Variants in TUT4 observed in about 807,000 individuals in gnomAD.
TUT4 encodes the protein terminal uridylyltransferase 4.
Under a neutral mutation model 192.2 loss-of-function variants are expected in TUT4, and 36 were observed. The observed-to-expected ratio is 0.19, with a 90% CI of 0.14 to 0.25. TUT4 has a LOEUF of 0.25. TUT4 is among the 10% of genes least tolerant of loss of function. TUT4 has a pLI of 1.00. For synonymous variants in TUT4, 618 were observed against 666.0 expected, an observed-to-expected ratio of 0.93 and a Z score of 1.11; for missense variants, 1,493 against 1,957.2, an observed-to-expected ratio of 0.76 and a Z score of 4.47.
intron 9 of TUT4, among the ~76,000 whole-genome samples, chr1:52,485,088 T>C (rs973192212): frequency 3.3e-5 from 5 of 152,204 alleles, no homozygotes; most frequent in Admixed American, 1.3e-4. Context: ...TCTAGAACAG[T>C]GTCTGACACA....
At chr1:52,505,268 G>C (rs1675221981) in intron 4 of TUT4, among the ~76,000 whole-genome samples, 1 of 151,804 alleles carries the variant, frequency 6.6e-6, no homozygotes, top group South Asian at 2.1e-4. Context: ...GTTTTTTGTA[G>C]ATTTTTTTTA....
intron 20 of TUT4, among the ~76,000 whole-genome samples, chr1:52,456,534 C>T (rs928789317): frequency 1.4e-5 from 2 of 142,790 alleles, no homozygotes; most frequent in Admixed American, 1.4e-4. Flanking sequence ...GCTATCAAGC[C>T]ATGAAAAGAC....
intron 27 of TUT4, chr1:52,433,288 C>G (rs1652681023): frequency 6.6e-6 from 1 of 152,208 alleles, no homozygotes. Flanking sequence ...TCAGGCTGGT[C>G]TCAAACTCCC....
intron 1 of TUT4, among the ~76,000 whole-genome samples, chr1:52,532,449 C>G (rs1417852338): frequency 3.3e-5 from 5 of 151,706 alleles, no homozygotes; most frequent in Admixed American, 2.6e-4. Flanking sequence ...ACCTCAGCCT[C>G]ACAGGCACAC....
chr1:52,499,496 G>C (rs1433975809), intron 4 of TUT4, among the ~76,000 whole-genome samples: 1 of 152,184 alleles, frequency 6.6e-6, no homozygotes, highest in Non-Finnish European at 1.5e-5. Flanking sequence ...AGCACTCTGG[G>C]AGGCTGAGGT....
chr1:52,495,030 T>G lies in TUT4; in HGVS notation c.1266+397A>C, dbSNP rs578144471. On this transcript the variant is annotated intron_variant, in intron 6 of 29. Coordinates refer to ENST00000257177, the MANE Select transcript of TUT4 (RefSeq NM_001009881.3). ...AATATTATCTCATTTAATATAAAAA[T>G]TATTATTCCTGTTTTGGAAATGAGA... Among the ~76,000 whole-genome samples, 5 of 152,208 alleles carry G rather than the reference T, an allele frequency of 3.3e-5. No homozygotes were observed. In the South Asian group the frequency reaches 1.0e-3, roughly 32 times the overall value.
chr1:52,448,693 G>C (rs1658374925), intron 20 of TUT4, among the ~76,000 whole-genome samples: 1 of 151,864 alleles, frequency 6.6e-6, no homozygotes, highest in Non-Finnish European at 1.5e-5. Flanking sequence ...ATATTAAGGG[G>C]CTGACATGTA....
rs1665910566 is a variant in TUT4, at chr1:52,472,042, C to T, written c.2788G>A (p.Glu930Lys). 1.9e-6 allele frequency: 3 copies of T among 1,613,968 alleles called. No individual in the cohort carries two copies. The South Asian group carries it at 3.3e-5, about 18-fold the overall frequency. Residue 930 changes from glutamate to lysine, a missense_variant, in exon 14 of 30, where the codon GAG becomes AAG. This residue lies in a region of TUT4 where 59 missense variants were observed against 114.3 expected (regional missense o/e 0.52). Transcript: ENST00000257177. The stretch of plus-strand genomic sequence containing the variant: ...TTTAAATCAATTTTCCTAAAATCCT[C>T]TGGGCAATCATTCTTTGAATGGCCA... ...KDGHSKNDCP[E>K]DFRKIDLKPL...
chr1:52,459,613 T>C (rs1342671758), intron 19 of TUT4, among the ~76,000 whole-genome samples: 4 of 149,292 alleles, frequency 2.7e-5, no homozygotes, highest in Non-Finnish European at 5.9e-5. Flanking sequence ...AGGCTGGGGG[T>C]GGTGGCTCAC....
At chr1:52,484,403 TA>T (rs1669278132) in intron 9 of TUT4, among the ~76,000 whole-genome samples, 1 of 152,138 alleles carries the variant, frequency 6.6e-6, no homozygotes, top group East Asian at 1.9e-4. Context: ...ACAGTTTGTA[TA>T]AGGGACTTGA....
chr1:52,457,530 A>C (rs757319582), intron 20 of TUT4, among the ~76,000 whole-genome samples: 2 of 152,130 alleles, frequency 1.3e-5, no homozygotes, highest in Non-Finnish European at 2.9e-5. Context: ...CACCACGCCC[A>C]GCCTATTTTG....
Position 52,423,947 on chromosome 1 carries a change from G to T in TUT4, c.4926C>A (p.Asn1642Lys). Residue 1642 changes from asparagine to lysine, a missense_variant, in exon 30 of 30, where the codon AAC (asparagine) becomes AAA (lysine). By Grantham distance (94) the Asn-to-Lys change is moderately conservative. This residue lies in a region of TUT4 where 351 missense variants were observed against 397.8 expected (regional missense o/e 0.88). Transcript: ENST00000257177. Reference protein sequence around the residue: ...RERCPHPPRGNVSE With the variant: ...RERCPHPPRGKVSE ...AAATGGACTCGCATTACTCCGACACGTTTCCTCTTGGTGGGTGGGGACAAC... is the reference window on the plus strand; with the variant it reads ...AAATGGACTCGCATTACTCCGACACTTTTCCTCTTGGTGGGTGGGGACAAC... The T allele has an allele frequency of 6.2e-7, 1 of 1,613,236 alleles. No individual in the cohort carries two copies. The highest frequency in any genetic ancestry group is 8.5e-7 in the Non-Finnish European group (1 of 1,179,654).
At chr1:52,512,634 A>G (rs1299499115) in intron 3 of TUT4, among the ~76,000 whole-genome samples, 1 of 152,224 alleles carries the variant, frequency 6.6e-6, no homozygotes, top group African/African-American at 2.4e-5. Context: ...ATACATAAAA[A>G]AAGTTAAACA....
intron 1 of TUT4, among the ~76,000 whole-genome samples, chr1:52,533,410 A>G (rs1684020714): frequency 6.6e-6 from 1 of 152,216 alleles, no homozygotes; most frequent in Admixed American, 6.5e-5. Flanking sequence ...TAATTCATTG[A>G]CAGAACTATA....
At chr1:52,486,697 G>C (rs1454071453) in intron 9 of TUT4, among the ~76,000 whole-genome samples, 3 of 152,104 alleles carry the variant, frequency 2.0e-5, no homozygotes, top group African/African-American at 7.2e-5. Context: ...TATTCTGTTG[G>C]AAACAGAAAG....
intron 24 of TUT4, among the ~76,000 whole-genome samples, chr1:52,445,565 C>CT (rs1432365960): frequency 6.6e-6 from 1 of 151,978 alleles, no homozygotes; most frequent in African/African-American, 2.4e-5. Context: ...CTTCGTGGGG[C>CT]TTATAGTCTA....
At chr1:52,500,093 G>C (rs1371304052) in intron 4 of TUT4, among the ~76,000 whole-genome samples, 1 of 151,348 alleles carries the variant, frequency 6.6e-6, no homozygotes, top group Non-Finnish European at 1.5e-5. Context: ...TTACACTCCA[G>C]CCTGGGCAAC....
chr1:52,450,711 T>C (rs1339111648), intron 20 of TUT4, among the ~76,000 whole-genome samples: 3 of 152,188 alleles, frequency 2.0e-5, no homozygotes, highest in Non-Finnish European at 4.4e-5. Context: ...CTTATGCAGA[T>C]TGTTAAGGCC....
chr1:52,493,145 G>A (rs1172542539), intron 7 of TUT4, among the ~76,000 whole-genome samples: 2 of 152,102 alleles, frequency 1.3e-5, no homozygotes, highest in African/African-American at 2.4e-5. Flanking sequence ...GTGTAGCAGC[G>A]CAATCTCAGC....
Sources: allele counts gnomAD v4.1 joint callset (sites outside exome capture counted in the v4.1 genomes callset), GRCh38; gene constraint gnomAD v4.1.1; regional missense constraint gnomAD v4.1.1; transcripts MANE v1.5; gene names NCBI Gene and HGNC (gene_info 2026-07-23, HGNC 2026-07-21).